Variants in GALNT13 observed in about 807,000 individuals in gnomAD.
GALNT13 encodes polypeptide N-acetylgalactosaminyltransferase 13, also known as UDP-GalNAc:polypeptide N-acetylgalactosaminyltransferase 13.
A neutral mutation model predicts 64.2 loss-of-function variants in GALNT13; 28 were observed. The ratio of observed to expected loss-of-function variants is 0.44; its 90% CI spans 0.32 to 0.60. The LOEUF is 0.60. Ranked by LOEUF, GALNT13 falls within the 20% of genes least tolerant of loss-of-function variation. GALNT13 has a pLI of 0.05. For synonymous variants in GALNT13, 214 were observed against 224.6 expected (o/e 0.95, Z 0.42); for missense variants, 577 against 669.8 (o/e 0.86, Z 1.53).
At chr2:153,304,834 A>C in the GALNT13 span, among the ~76,000 whole-genome samples, 51 of 152,174 alleles carry the variant, frequency 3.4e-4, no homozygotes, top group Non-Finnish European at 4.9e-4. Context: ...ATAAAAAGAA[A>C]TGATTCTTTT....
At chr2:153,144,643 A>G in the GALNT13 span, among the ~76,000 whole-genome samples, 1 of 151,872 alleles carries the variant, frequency 6.6e-6, no homozygotes, top group Admixed American at 6.6e-5. Flanking sequence ...ACAATTTAAG[A>G]TACAAACTCA....
At chr2:153,665,071 A>G in the GALNT13 span, among the ~76,000 whole-genome samples, 1 of 152,202 alleles carries the variant, frequency 6.6e-6, no homozygotes, top group African/African-American at 2.4e-5. Flanking sequence ...TTATCATGCT[A>G]GTGTATAAAC....
the GALNT13 span, among the ~76,000 whole-genome samples, chr2:153,164,779 A>T: frequency 6.6e-6 from 1 of 152,132 alleles, no homozygotes; most frequent in Non-Finnish European, 1.5e-5. Context: ...GATCTATAGA[A>T]CCTCTTTATC....
chr2:154,073,293 C>T (rs577099012), intron 3 of GALNT13, among the ~76,000 whole-genome samples: 2 of 151,954 alleles, frequency 1.3e-5, no homozygotes, highest in African/African-American at 2.4e-5. Context: ...GAAAGAATTA[C>T]TATGGGTAAT....
chr2:153,095,290 G>T, the GALNT13 span, among the ~76,000 whole-genome samples: 2 of 152,202 alleles, frequency 1.3e-5, no homozygotes, highest in Admixed American at 6.5e-5. Context: ...ATGAAAAAAT[G>T]CTCATCATCA....
chr2:153,431,521 A>T, the GALNT13 span, among the ~76,000 whole-genome samples: 3 of 152,228 alleles, frequency 2.0e-5, no homozygotes, highest in African/African-American at 7.2e-5. Flanking sequence ...AGAAGTTAGC[A>T]GTAGTTTTGC....
At chr2:153,081,102 T>C in the GALNT13 span, among the ~76,000 whole-genome samples, 1 of 152,130 alleles carries the variant, frequency 6.6e-6, no homozygotes, top group Non-Finnish European at 1.5e-5. Context: ...AGATGTTTGG[T>C]TTCAGTTCTG....
At chr2:153,360,044 C>T in the GALNT13 span, among the ~76,000 whole-genome samples, 1 of 152,152 alleles carries the variant, frequency 6.6e-6, no homozygotes. Context: ...AGGCTCCCAT[C>T]CAAAAGAACC....
the GALNT13 span, among the ~76,000 whole-genome samples, chr2:153,823,897 A>G: frequency 1.3e-5 from 2 of 152,196 alleles, no homozygotes; most frequent in Non-Finnish European, 2.9e-5. Flanking sequence ...TTGAATCAAT[A>G]AGAACCTTAA....
chr2:153,296,069 C>T, the GALNT13 span, among the ~76,000 whole-genome samples: 1 of 152,138 alleles, frequency 6.6e-6, no homozygotes, highest in East Asian at 1.9e-4. Context: ...CTCCAGACTG[C>T]AGGAGTGAGG....
At chr2:153,435,765 G>A in the GALNT13 span, among the ~76,000 whole-genome samples, 121,839 of 151,924 alleles carry the variant, frequency 0.8, 49,889 homozygotes, top group African/African-American at 0.88. Context: ...CAGTCATGTC[G>A]TCTGCAAACA....
At position 154,022,484 on chromosome 2, in the gene GALNT13, G is replaced by C. The variant is rs182533990; in HGVS notation, c.142+77845G>C. Among the ~76,000 whole-genome samples the C allele has an allele frequency of 2.2e-3, 336 of 152,258 alleles. 1 individual carries two copies. Among genetic ancestry groups the C allele is most frequent in the Non-Finnish European group, 4.0e-3 (271 of 68,020 alleles). ...TAGATTTTCTAGTTTATTTTTAATGGAGGTGTTTATAGTATTCTCTGACGG... is the reference window on the plus strand; with the variant it reads ...TAGATTTTCTAGTTTATTTTTAATGCAGGTGTTTATAGTATTCTCTGACGG... On this transcript the variant is annotated intron_variant, in intron 3 of 12. Transcript: ENST00000392825.
At chr2:153,694,078 A>G in the GALNT13 span, among the ~76,000 whole-genome samples, 1 of 152,198 alleles carries the variant, frequency 6.6e-6, no homozygotes, top group Non-Finnish European at 1.5e-5. Context: ...ACTGCACTCC[A>G]GCCTGGGGAA....
At chr2:153,161,357 G>A in the GALNT13 span, among the ~76,000 whole-genome samples, 1 of 152,178 alleles carries the variant, frequency 6.6e-6, no homozygotes, top group African/African-American at 2.4e-5. Flanking sequence ...GGATACAGCA[G>A]TGAAAGAAAC....
chr2:154,391,087 T>C lies in GALNT13; in HGVS notation c.1157-4904T>C, dbSNP rs567605539. Among the ~76,000 whole-genome samples, 518 of 152,328 alleles carry C rather than the reference T, an allele frequency of 3.4e-3. 1 individual carries two copies. Among genetic ancestry groups the C allele is most frequent in the African/African-American group, 0.012 (488 of 41,578 alleles). ...CTTTTACGCTCACACTCTATATCTT[T>C]CCATATGTGGATTTATCTTACTTCT... On this transcript the variant is annotated intron_variant, in intron 9 of 12. Transcript: ENST00000392825.
intron 4 of GALNT13, among the ~76,000 whole-genome samples, chr2:154,212,637 C>T (rs1235387000): frequency 6.6e-6 from 1 of 151,892 alleles, no homozygotes; most frequent in Non-Finnish European, 1.5e-5. Context: ...TTCTCCTCCT[C>T]CTATCCCTTT....
chr2:153,225,257 G>C, the GALNT13 span, among the ~76,000 whole-genome samples: 4 of 152,124 alleles, frequency 2.6e-5, no homozygotes, highest in African/African-American at 9.7e-5. Context: ...TGCAGAAAAA[G>C]TATTTTACAA....
intron 3 of GALNT13, among the ~76,000 whole-genome samples, chr2:154,022,380 A>T (rs1004603014): frequency 1.3e-5 from 2 of 152,098 alleles, no homozygotes; most frequent in Admixed American, 1.3e-4. Flanking sequence ...ACAATTTCAG[A>T]TCCTGTTATT....
chr2:154,342,586 T>G (rs1338710731), intron 9 of GALNT13, among the ~76,000 whole-genome samples: 1 of 152,082 alleles, frequency 6.6e-6, no homozygotes, highest in African/African-American at 2.4e-5. Flanking sequence ...AAATTCAGAT[T>G]TCAGTGTTCA....
Sources: gnomAD v4.1 joint callset for allele counts (sites outside exome capture counted in the v4.1 genomes callset) on GRCh38, gnomAD v4.1.1 for gene constraint, MANE v1.5 for transcripts, NCBI Gene and HGNC (gene_info 2026-07-23, HGNC 2026-07-21) for gene names.